The following EPHB1 variants were observed in gnomAD, a reference collection of about 807,000 sequenced individuals.
EPHB1 encodes EPH receptor B1.
A neutral mutation model predicts 94.4 loss-of-function variants in EPHB1; 30 were observed. The ratio of observed to expected loss-of-function variants is 0.32; its 90% CI spans 0.24 to 0.43. The LOEUF (loss-of-function observed/expected upper bound fraction) is 0.43. Ranked by LOEUF, EPHB1 falls within the 20% of genes least tolerant of loss-of-function variation. EPHB1 has a pLI of 1.00. For synonymous variants in EPHB1, 522 were observed against 489.1 expected, an observed-to-expected ratio of 1.07 and a Z score of -0.89; for missense variants, 1,055 against 1,308.3, an observed-to-expected ratio of 0.81 and a Z score of 2.99.
At chr3:135,076,277 A>G (rs1482695241) in intron 3 of EPHB1, among the ~76,000 whole-genome samples, 14 of 141,380 alleles carry the variant, frequency 9.9e-5, no homozygotes, top group African/African-American at 4.1e-4. Flanking sequence ...TAAATGCATT[A>G]GTAAAAAGTC....
chr3:135,199,743 G>A (rs900901480), intron 11 of EPHB1, among the ~76,000 whole-genome samples: 2 of 152,326 alleles, frequency 1.3e-5, no homozygotes, highest in South Asian at 4.1e-4. Context: ...CTTGCATGAG[G>A]AACAGAGTTT....
At chr3:135,178,562 A>G (rs539314762) in intron 9 of EPHB1, among the ~76,000 whole-genome samples, 113 of 152,104 alleles carry the variant, frequency 7.4e-4, no homozygotes, top group Non-Finnish European at 1.2e-3. Flanking sequence ...TGAATTGGTG[A>G]CCAAGCAACA....
At chr3:134,807,871 G>C (rs1383382326) in intron 1 of EPHB1, among the ~76,000 whole-genome samples, 1 of 152,162 alleles carries the variant, frequency 6.6e-6, no homozygotes, top group African/African-American at 2.4e-5. Context: ...GGAGCTCCCT[G>C]ACGGAAATGA....
At chr3:135,110,534 G>A (rs1321861670) in intron 4 of EPHB1, among the ~76,000 whole-genome samples, 1 of 152,138 alleles carries the variant, frequency 6.6e-6, no homozygotes, top group Non-Finnish European at 1.5e-5. Flanking sequence ...TTTGGAACAC[G>A]AGCTTCCTTC....
intron 1 of EPHB1, among the ~76,000 whole-genome samples, chr3:134,909,273 C>A (rs760362527): frequency 2.6e-5 from 4 of 152,072 alleles, no homozygotes; most frequent in Non-Finnish European, 5.9e-5. Context: ...CAACAAGGAC[C>A]AAGGAAAGGG....
intron 15 of EPHB1, among the ~76,000 whole-genome samples, chr3:135,254,911 T>G (rs1933305540): frequency 1.3e-5 from 2 of 152,244 alleles, no homozygotes; most frequent in South Asian, 2.1e-4. Context: ...ATTGGTCTAT[T>G]CAGAGATTCA....
intron 1 of EPHB1, among the ~76,000 whole-genome samples, chr3:134,869,746 G>A (rs1268677760): frequency 2.0e-5 from 3 of 147,156 alleles, no homozygotes; most frequent in Admixed American, 2.0e-4. Context: ...AGTGATAGCA[G>A]TTTTTTTTTA....
intron 3 of EPHB1, among the ~76,000 whole-genome samples, chr3:134,995,911 A>G (rs1934974453): frequency 1.3e-5 from 2 of 149,154 alleles, no homozygotes; most frequent in Admixed American, 6.6e-5. Context: ...TGCTATGTAG[A>G]CATAACTACT....
intron 1 of EPHB1, among the ~76,000 whole-genome samples, chr3:134,802,914 A>G (rs1445039183): frequency 1.3e-5 from 2 of 152,164 alleles, no homozygotes; most frequent in Non-Finnish European, 2.9e-5. Flanking sequence ...TCACTACACT[A>G]TAATGACCCT....
chr3:134,846,096 G>T (rs2036867062), intron 1 of EPHB1, among the ~76,000 whole-genome samples: 1 of 152,200 alleles, frequency 6.6e-6, no homozygotes, highest in African/African-American at 2.4e-5. Context: ...GATCAGTATG[G>T]TGTTGCATCC....
intron 3 of EPHB1, among the ~76,000 whole-genome samples, chr3:135,053,432 G>T (rs1227105133): frequency 3.9e-5 from 6 of 152,054 alleles, no homozygotes; most frequent in Non-Finnish European, 2.9e-5. Flanking sequence ...AGACCTTTTG[G>T]GAACTGGTTT....
At position 134,951,928 on chromosome 3, in the gene EPHB1, C is replaced by T; in HGVS notation, c.681C>T (p.Pro227=). 1 of 1,614,050 alleles carries T rather than the reference C, an allele frequency of 6.2e-7. No individual in the cohort carries two copies. Among genetic ancestry groups the T allele is most frequent in the African/African-American group, 1.3e-5 (1 of 75,060 alleles). The change falls in exon 3 of 16, where the codon CCC becomes CCT. Residue 227 remains proline, a synonymous_variant. Coordinates refer to ENST00000398015, the MANE Select transcript of EPHB1 (RefSeq NM_004441.5). The surrounding 1 kb of genome is among the most constrained non-coding windows in gnomAD (Gnocchi z 4.5). ...SLVIARGTCI[P]NAEEVDVPIK... ...TGATTGCTCGGGGCACATGCATCCCCAACGCAGAGGAAGTGGACGTGCCCA... is the reference window on the plus strand; with the variant it reads ...TGATTGCTCGGGGCACATGCATCCCTAACGCAGAGGAAGTGGACGTGCCCA...
At chr3:135,174,267 C>T (rs1296027569) in intron 9 of EPHB1, among the ~76,000 whole-genome samples, 4 of 152,116 alleles carry the variant, frequency 2.6e-5, no homozygotes, top group African/African-American at 9.7e-5. Flanking sequence ...TAACCAAGGC[C>T]TTCCCATGCT....
chr3:134,932,531 C>CT (rs1197156090), intron 2 of EPHB1, among the ~76,000 whole-genome samples: 2 of 152,176 alleles, frequency 1.3e-5, no homozygotes, highest in Non-Finnish European at 2.9e-5. Context: ...AATAAACTGG[C>CT]TATTTTTCTG....
chr3:135,007,406 C>G (rs748046352), intron 3 of EPHB1, among the ~76,000 whole-genome samples: 5 of 152,106 alleles, frequency 3.3e-5, no homozygotes, highest in Non-Finnish European at 5.9e-5. Context: ...GTTCTTAGGC[C>G]AATTACCTGC....
chr3:135,040,809 G>A (rs1166984417), intron 3 of EPHB1, among the ~76,000 whole-genome samples: 3 of 152,214 alleles, frequency 2.0e-5, no homozygotes, highest in Non-Finnish European at 4.4e-5. Flanking sequence ...TGTGTGCAAG[G>A]TATTATTCTT....
intron 3 of EPHB1, among the ~76,000 whole-genome samples, chr3:134,957,607 GAAAAGGGC>G (rs369272098): frequency 3.9e-4 from 60 of 152,084 alleles, no homozygotes; most frequent in Admixed American, 1.5e-3. Context: ...GATAAAGCCC[GAAAAGGGC>G]TCTTGGCAGG....
chr3:134,898,552 C>T (rs187983157), intron 1 of EPHB1, among the ~76,000 whole-genome samples: 14 of 152,296 alleles, frequency 9.2e-5, no homozygotes, highest in Admixed American at 4.6e-4. Flanking sequence ...AGACAAGTGA[C>T]GGTAGAGTCT....
chr3:134,805,897 A>T (rs2036034264), intron 1 of EPHB1, among the ~76,000 whole-genome samples: 1 of 151,948 alleles, frequency 6.6e-6, no homozygotes, highest in African/African-American at 2.4e-5. Flanking sequence ...CACATTCCAC[A>T]CTGGTATCCA....
Sources: allele counts gnomAD v4.1 joint callset (sites outside exome capture counted in the v4.1 genomes callset), GRCh38; gene constraint gnomAD v4.1.1; non-coding constraint Gnocchi (gnomAD v3.1); transcripts MANE v1.5; gene names NCBI Gene and HGNC (gene_info 2026-07-23, HGNC 2026-07-21).